METAP2: variants seen among roughly 807,000 people sequenced by gnomAD.
The protein encoded by METAP2 is methionine aminopeptidase 2.
METAP2 carries 25 observed loss-of-function variants against 59.4 expected under a neutral mutation model. The observed-to-expected ratio is 0.42, with a 90% confidence interval of 0.31 to 0.59. The LOEUF (loss-of-function observed/expected upper bound fraction) is 0.59. METAP2 is among the 20% of genes least tolerant of loss of function. METAP2 has a pLI of 0.16. For missense variants in METAP2, 366 were observed against 581.2 expected, an observed-to-expected ratio of 0.63 and a Z score of 3.81; for synonymous variants, 214 against 194.1, an observed-to-expected ratio of 1.10 and a Z score of -0.85.
intron 4 of METAP2, among the ~76,000 whole-genome samples, chr12:95,487,179 C>T (rs11611387): frequency 0.24 from 36,184 of 152,058 alleles, 4,908 homozygotes; most frequent in East Asian, 0.48. Flanking sequence ...CTGTCACCCA[C>T]AATATTTATA....
At chr12:95,496,821 C>CTTTTTTTTTTTTTT (rs777002045) in intron 7 of METAP2, among the ~76,000 whole-genome samples, 1 of 100,934 alleles carries the variant, frequency 9.9e-6, no homozygotes, top group Non-Finnish European at 1.9e-5. Context: ...CTTTTTCTTT[C>CTTTTTTTTTTTTTT]TTTTTTTTTT....
In METAP2 at chr12:95,513,958, A is replaced by C; in HGVS notation, c.*54A>C. 1 of 1,543,218 alleles carries C rather than the reference A, an allele frequency of 6.5e-7. No homozygotes were observed. Among genetic ancestry groups the C allele is most frequent in the Non-Finnish European group, 8.8e-7 (1 of 1,141,756 alleles). On this transcript the variant is annotated 3_prime_UTR_variant, in exon 11 of 11. Coordinates refer to ENST00000323666, the MANE Select transcript of METAP2 (RefSeq NM_006838.4). ...TATTTTCTGAGCTTTGTTGGAAAAC[A>C]TGATACCAGAATTAATTTGCCACAT...
chr12:95,514,623 T>G lies in METAP2; in HGVS notation c.*719T>G, dbSNP rs1170435824. On this transcript the variant is annotated 3_prime_UTR_variant, in exon 11 of 11. Transcript: ENST00000323666. ...AAAGATGTGCTAATTGAAACTTGAC[T>G]TAGTAGGAACATTGTGCCAACTCAA... The G allele has an allele frequency of 6.6e-6, 1 of 152,236 alleles. No individual in the cohort carries two copies. The highest frequency in any genetic ancestry group is 1.5e-5 in the Non-Finnish European group (1 of 68,034). The allele number at this position is 152,236 out of a possible 1,614,324, so 9.4% of individuals were successfully genotyped here.
chr12:95,499,945 CATGG>C (rs971156968), intron 7 of METAP2, among the ~76,000 whole-genome samples: 1 of 152,172 alleles, frequency 6.6e-6, no homozygotes, highest in Non-Finnish European at 1.5e-5. Context: ...ATGAGAACAA[CATGG>C]GGGAACCACC....
intron 3 of METAP2, chr12:95,484,766 C>G (rs1259833433): frequency 7.2e-6 from 3 of 416,082 alleles, no homozygotes; most frequent in African/African-American, 4.3e-5. Context: ...GAGTATCAGT[C>G]TGTTTCATCT....
chr12:95,480,146 C>T (rs938245995), intron 2 of METAP2, among the ~76,000 whole-genome samples: 7 of 152,064 alleles, frequency 4.6e-5, no homozygotes, highest in African/African-American at 1.2e-4. Flanking sequence ...TGGAATTATT[C>T]GGTATGTAGT....
chr12:95,495,053 T>C lies in METAP2; in HGVS notation c.687T>C (p.Ala229=). Residue 229 remains alanine (A), a synonymous_variant, in exon 6 of 11, where the codon GCT becomes GCC. Transcript: ENST00000323666. ...CTGGATGTTCTCTCAATAATTGTGC[T>C]GCCCATTATACTCCCAATGCCGGTG... ...FPTGCSLNNC[A]AHYTPNAGDT... 1 of 1,613,470 alleles carries C rather than the reference T, an allele frequency of 6.2e-7. No homozygotes were observed. The highest frequency in any genetic ancestry group is 8.5e-7 in the Non-Finnish European group (1 of 1,179,432).
intron 9 of METAP2, among the ~76,000 whole-genome samples, 183 bp from the exon 10 acceptor site, chr12:95,512,618 A>G (rs574919150): frequency 3.3e-5 from 5 of 152,312 alleles, no homozygotes; most frequent in African/African-American, 9.6e-5. Context: ...AGGCTGAGGC[A>G]GGAGAATCGC....
At position 95,496,101 on chromosome 12, in the gene METAP2, A is replaced by C; in HGVS notation, c.867+3A>C. On this transcript the variant is annotated splice_donor_region_variant and intron_variant, in intron 7 of 10. Coordinates refer to ENST00000323666, the MANE Select transcript of METAP2 (RefSeq NM_006838.4). The stretch of plus-strand genomic sequence containing the variant: ...ATGCTACTAACACTGGAATAAAGGT[A>C]TGTGAACTGTAAGCACCATTTCATT... 6.5e-7 allele frequency: 1 copy of C among 1,530,552 alleles called. No individual in the cohort carries two copies. Among genetic ancestry groups the C allele is most frequent in the Non-Finnish European group, 9.0e-7 (1 of 1,112,888 alleles). 94.8% of individuals were successfully genotyped at this position (1,530,552 alleles called of 1,614,324 possible). A position where few individuals can be genotyped will look rare whatever the true frequency, so the allele number is the denominator to read the frequency against.
chr12:95,476,017 C>T, intron 1 of METAP2, 54 bp from the exon 2 acceptor site: 5 of 1,042,770 alleles, frequency 4.8e-6, no homozygotes, highest in Non-Finnish European at 7.1e-6. Flanking sequence ...AGAGCATATT[C>T]TAGTGGGAAA....
intron 4 of METAP2, among the ~76,000 whole-genome samples, chr12:95,493,766 CTT>C (rs2076256310): frequency 6.6e-6 from 1 of 152,184 alleles, no homozygotes; most frequent in African/African-American, 2.4e-5. Flanking sequence ...ACTCTTCAGA[CTT>C]TTCTGATTGT....
intron 7 of METAP2, among the ~76,000 whole-genome samples, chr12:95,501,801 C>T: frequency 6.7e-6 from 1 of 148,876 alleles, no homozygotes; most frequent in Admixed American, 6.7e-5. Flanking sequence ...TAGAATAATA[C>T]TAGTTGTTAC....
At chr12:95,502,323 T>C (rs1004184805) in intron 7 of METAP2, among the ~76,000 whole-genome samples, 37 of 152,254 alleles carry the variant, frequency 2.4e-4, no homozygotes, top group African/African-American at 8.4e-4. Context: ...TTTCTCACTT[T>C]TGAAGGACAG....
At chr12:95,477,909 A>C (rs1425415242) in intron 2 of METAP2, among the ~76,000 whole-genome samples, 5 of 152,160 alleles carry the variant, frequency 3.3e-5, no homozygotes, top group African/African-American at 1.2e-4. Context: ...TAGATTATGA[A>C]CTTATTTTGA....
At position 95,515,711 on chromosome 12, in the gene METAP2, T is replaced by G. The variant is rs199561031; in HGVS notation, c.*1807T>G. Reference sequence around the variant, plus strand: ...GTAGGAAAGCTGTAACTAAAAATTGTATTGTTTGCTTATTAGCCATGTATC... The same window carrying G: ...GTAGGAAAGCTGTAACTAAAAATTGGATTGTTTGCTTATTAGCCATGTATC... On this transcript the variant is annotated 3_prime_UTR_variant, in exon 11 of 11. Transcript: ENST00000323666. 1.3e-5 allele frequency: 2 copies of G among 152,194 alleles called. No homozygotes were observed. The highest frequency in any genetic ancestry group is 2.9e-5 in the Non-Finnish European group (2 of 68,032). 9.4% of individuals were successfully genotyped at this position (152,194 alleles called of 1,614,324 possible).
chr12:95,506,045 C>G (rs1313217745), intron 8 of METAP2, among the ~76,000 whole-genome samples: 1 of 151,414 alleles, frequency 6.6e-6, no homozygotes, highest in Non-Finnish European at 1.5e-5. Context: ...TGCAGTGAGT[C>G]AAGATTGCAC....
chr12:95,497,954 C>T (rs1157709289), intron 7 of METAP2, among the ~76,000 whole-genome samples: 2 of 150,546 alleles, frequency 1.3e-5, no homozygotes, highest in Non-Finnish European at 3.0e-5. Flanking sequence ...GGTGAAACCC[C>T]GTCTCTACTA....
At chr12:95,496,409 G>T (rs1439554687) in intron 7 of METAP2, among the ~76,000 whole-genome samples, 1 of 151,910 alleles carries the variant, frequency 6.6e-6, no homozygotes, top group Admixed American at 6.6e-5. Context: ...ACAATTTTAG[G>T]TTCATAATAA....
Position 95,474,212 on chromosome 12 carries a change from G to A in METAP2, c.33G>A (p.Gly11=), listed in dbSNP as rs375408845. 1 of 1,614,180 alleles carries A rather than the reference G, an allele frequency of 6.2e-7. No individual in the cohort carries two copies. The highest frequency in any genetic ancestry group is 1.1e-5 in the South Asian group (1 of 91,076). The change falls in exon 1 of 11, where the codon GGG becomes GGA. Residue 11 remains glycine, a synonymous_variant. Coordinates refer to ENST00000323666, the MANE Select transcript of METAP2 (RefSeq NM_006838.4). MAGVEEVAAS[G]SHLNGDLDPD... ...GTGTGGAGGAGGTAGCGGCCTCCGG[G>A]AGCCACCTGAATGGCGACCTGGATC...
Sources: gnomAD v4.1 joint callset for allele counts (sites outside exome capture counted in the v4.1 genomes callset) on GRCh38, gnomAD v4.1.1 for gene constraint, MANE v1.5 for transcripts, NCBI Gene and HGNC (gene_info 2026-07-23, HGNC 2026-07-21) for gene names.